The following CNTNAP5 variants were observed in gnomAD, a reference collection of about 807,000 sequenced individuals.
The protein encoded by CNTNAP5 is contactin associated protein family member 5.
In CNTNAP5, 72 loss-of-function variants were observed where a neutral mutation model predicts 150.2. That is an observed-to-expected ratio of 0.48 (90% CI 0.40 to 0.58). CNTNAP5 has a LOEUF of 0.58. Among genes scored for constraint, CNTNAP5 ranks in the 20% least tolerant of loss-of-function variants. CNTNAP5 has a pLI of 0.00. For synonymous variants in CNTNAP5, 672 were observed against 619.8 expected (o/e 1.08, Z -1.25); for missense variants, 1,636 against 1,626.2 (o/e 1.01, Z -0.10).
At chr2:124,520,426 T>A (rs1694824910) in intron 8 of CNTNAP5, among the ~76,000 whole-genome samples, 1 of 152,216 alleles carries the variant, frequency 6.6e-6, no homozygotes, top group Non-Finnish European at 1.5e-5. Context: ...TTTTTGATAC[T>A]TACTGGTGTA....
At chr2:124,396,624 GTCT>G (rs1691252482) in intron 3 of CNTNAP5, among the ~76,000 whole-genome samples, 1 of 152,110 alleles carries the variant, frequency 6.6e-6, no homozygotes, top group African/African-American at 2.4e-5. Context: ...CAGTGTCAGA[GTCT>G]TCTTTTCAAT....
chr2:124,689,431 G>C (rs553207170), intron 13 of CNTNAP5, among the ~76,000 whole-genome samples: 1 of 152,256 alleles, frequency 6.6e-6, no homozygotes, highest in Non-Finnish European at 1.5e-5. Flanking sequence ...CATGTGGCTA[G>C]AAGGTGAAGT....
At chr2:124,416,106 T>C (rs1014307063) in intron 3 of CNTNAP5, among the ~76,000 whole-genome samples, 22 of 152,282 alleles carry the variant, frequency 1.4e-4, no homozygotes, top group Middle Eastern at 6.8e-3. Context: ...AGGGAGGGGA[T>C]TGAAGACAAT....
At chr2:124,246,468 TC>T (rs1180607773) in intron 3 of CNTNAP5, among the ~76,000 whole-genome samples, 1 of 152,064 alleles carries the variant, frequency 6.6e-6, no homozygotes, top group Non-Finnish European at 1.5e-5. Flanking sequence ...TCTTAGCAGC[TC>T]CAAAACCTCT....
At chr2:124,719,195 T>C (rs909973077) in intron 13 of CNTNAP5, among the ~76,000 whole-genome samples, 1 of 152,144 alleles carries the variant, frequency 6.6e-6, no homozygotes, top group African/African-American at 2.4e-5. Flanking sequence ...AGCTATAAAA[T>C]GGCATAATAA....
intron 21 of CNTNAP5, among the ~76,000 whole-genome samples, chr2:124,898,460 T>C (rs1678353073): frequency 1.3e-5 from 2 of 151,662 alleles, no homozygotes; most frequent in South Asian, 4.1e-4. Flanking sequence ...ATGTGTAAAG[T>C]GTTGTGCATT....
At chr2:124,812,524 A>G (rs986589440) in intron 19 of CNTNAP5, among the ~76,000 whole-genome samples, 1 of 152,114 alleles carries the variant, frequency 6.6e-6, no homozygotes, top group South Asian at 2.1e-4. Context: ...TTTGACATCA[A>G]CCCAGACCTT....
At chr2:124,605,834 G>GAAAAAAAAAAAAAAAAAAAAAAAAAAA (rs1558701516) in intron 11 of CNTNAP5, among the ~76,000 whole-genome samples, 2 of 66,784 alleles carry the variant, frequency 3.0e-5, no homozygotes, top group African/African-American at 6.7e-5. Flanking sequence ...AAAAAAAAAA[G>GAAAAAAAAAAAAAAAAAAAAAAAAAAA]AAGGAAAGAA....
chr2:124,722,833 T>C (rs890839065), intron 13 of CNTNAP5, among the ~76,000 whole-genome samples: 3 of 152,182 alleles, frequency 2.0e-5, no homozygotes, highest in Admixed American at 6.5e-5. Context: ...AATGAAAACA[T>C]GTGCTTGCAG....
chr2:124,247,005 A>C (rs979705977), intron 3 of CNTNAP5, among the ~76,000 whole-genome samples: 2 of 152,088 alleles, frequency 1.3e-5, no homozygotes, highest in Non-Finnish European at 2.9e-5. Context: ...AACATGAAGG[A>C]CTTGCATTTG....
At chr2:124,028,900 T>C (rs949208285) in intron 1 of CNTNAP5, among the ~76,000 whole-genome samples, 1 of 152,126 alleles carries the variant, frequency 6.6e-6, no homozygotes, top group Admixed American at 6.5e-5. Context: ...GAGAAAATTA[T>C]TTAAATATTA....
At chr2:124,707,018 G>GAGGAGA (rs1679679295) in intron 13 of CNTNAP5, among the ~76,000 whole-genome samples, 1 of 74,216 alleles carries the variant, frequency 1.3e-5, no homozygotes, top group Non-Finnish European at 2.7e-5. Context: ...GGAGGAGGAG[G>GAGGAGA]AGAAGAAGAA....
At chr2:124,853,548 T>A (rs1677274798) in intron 19 of CNTNAP5, among the ~76,000 whole-genome samples, 1 of 152,194 alleles carries the variant, frequency 6.6e-6, no homozygotes, top group Non-Finnish European at 1.5e-5. Flanking sequence ...ATCACTCTGT[T>A]TACATCATAG....
At chr2:124,896,816 G>A (rs1236916521) in intron 21 of CNTNAP5, among the ~76,000 whole-genome samples, 1 of 151,578 alleles carries the variant, frequency 6.6e-6, no homozygotes, top group Admixed American at 6.6e-5. Flanking sequence ...TGGGATTACA[G>A]GCATAAGCCA....
chr2:124,733,545 T>A (rs1005200108), intron 13 of CNTNAP5, among the ~76,000 whole-genome samples: 2 of 152,052 alleles, frequency 1.3e-5, no homozygotes, highest in Non-Finnish European at 2.9e-5. Context: ...GAACAAGATT[T>A]TTTTTTTAAT....
At chr2:124,541,178 G>GGTTTTTTTTTTTTTTTTTTTTTTT (rs1477319002) in intron 10 of CNTNAP5, among the ~76,000 whole-genome samples, 1 of 27,574 alleles carries the variant, frequency 3.6e-5, no homozygotes, top group Non-Finnish European at 6.5e-5. Context: ...ACAAAATTCC[G>GGTTTTTTTTTTTTTTTTTTTTTTT]ATTTTTTTTT....
At chr2:124,806,103 G>C (rs1198449517) in intron 19 of CNTNAP5, among the ~76,000 whole-genome samples, 1 of 152,184 alleles carries the variant, frequency 6.6e-6, no homozygotes, top group South Asian at 2.1e-4. Context: ...AATAAGTATG[G>C]TGTAGTTGGC....
At chr2:124,748,488 T>C (rs1349261346) in intron 14 of CNTNAP5, among the ~76,000 whole-genome samples, 2 of 152,226 alleles carry the variant, frequency 1.3e-5, no homozygotes, top group East Asian at 3.9e-4. Flanking sequence ...AAATATACTT[T>C]TGTTTTGACT....
rs114201695 is a variant in CNTNAP5, at chr2:124,713,901, C to T, written c.2078-33328C>T. Among the ~76,000 whole-genome samples, 989 of 152,310 alleles carry T rather than the reference C, an allele frequency of 6.5e-3. 14 individuals carry two copies. Among genetic ancestry groups the T allele is most frequent in the African/African-American group, 0.022 (895 of 41,572 alleles). ...CATCTCTCCTCCCTAGTTCAGCAAA[C>T]ATCTTTCCTTGTTCTCTGTACTTCA... On this transcript the variant is annotated intron_variant, in intron 13 of 23. Transcript: ENST00000682447.
Sources: gnomAD v4.1 joint callset for allele counts (sites outside exome capture counted in the v4.1 genomes callset) on GRCh38, gnomAD v4.1.1 for gene constraint, MANE v1.5 for transcripts, NCBI Gene and HGNC (gene_info 2026-07-23, HGNC 2026-07-21) for gene names.